Variants in ATP10B observed in about 807,000 individuals in gnomAD.
ATP10B encodes the protein ATPase phospholipid transporting 10B (putative), also known as phospholipid-transporting ATPase VB.
A neutral mutation model predicts 141.2 loss-of-function variants in ATP10B; 122 were observed. The ratio of observed to expected loss-of-function variants is 0.86; its 90% CI spans 0.75 to 1.00. ATP10B has a LOEUF of 1.00. ATP10B is among the 50% of genes least tolerant of loss of function. The pLI is 0.00. For synonymous variants in ATP10B, 685 were observed against 692.0 expected, an observed-to-expected ratio of 0.99 and a Z score of 0.16; for missense variants, 1,876 against 1,825.3, an observed-to-expected ratio of 1.03 and a Z score of -0.51.
rs1347293523 is a variant in ATP10B, at chr5:160,790,983, G to A, written c.-575-5180C>T. On this transcript the variant is annotated intron_variant, in intron 1 of 25. Coordinates refer to ENST00000327245, the MANE Select transcript of ATP10B (RefSeq NM_025153.3). ...AGTGAGAGAGACTGGATCCACTGTT[G>A]TTGGTTTGAAGATGGAGGAAGGGGG... 2.6e-5 allele frequency among the ~76,000 whole-genome samples: 4 copies of A among 152,116 alleles called. No individual in the cohort carries two copies. In the East Asian group the frequency reaches 7.7e-4, roughly 29 times the overall value.
the ATP10B span, among the ~76,000 whole-genome samples, chr5:160,919,695 T>C: frequency 2.0e-5 from 3 of 152,184 alleles, no homozygotes; most frequent in African/African-American, 4.8e-5. Context: ...GTCATGTCAA[T>C]GGAAGGGAAC....
chr5:160,908,661 T>C, the ATP10B span, among the ~76,000 whole-genome samples: 2 of 152,216 alleles, frequency 1.3e-5, no homozygotes, highest in South Asian at 2.1e-4. Context: ...ACAATGGTGA[T>C]CTGAAAGGCA....
At chr5:160,567,853 A>G (rs1015856719) in intron 25 of ATP10B, among the ~76,000 whole-genome samples, 6 of 152,206 alleles carry the variant, frequency 3.9e-5, no homozygotes, top group African/African-American at 1.4e-4. Flanking sequence ...GGACTAGAGT[A>G]AGATCCAATA....
chr5:160,765,488 G>A (rs1304960914), intron 2 of ATP10B, among the ~76,000 whole-genome samples: 1 of 152,074 alleles, frequency 6.6e-6, no homozygotes, highest in African/African-American at 2.4e-5. Context: ...TCAACAAATG[G>A]TACTGGGATA....
At chr5:160,680,786 C>A (rs772415920) in intron 6 of ATP10B, among the ~76,000 whole-genome samples, 56 of 152,156 alleles carry the variant, frequency 3.7e-4, no homozygotes, top group Non-Finnish European at 4.9e-4. Flanking sequence ...AGTACAATCC[C>A]ATCTCTTGCC....
At chr5:160,599,606 G>A (rs931009241) in intron 21 of ATP10B, among the ~76,000 whole-genome samples, 2 of 152,196 alleles carry the variant, frequency 1.3e-5, no homozygotes, top group African/African-American at 4.8e-5. Flanking sequence ...ACTGAACCAT[G>A]AGCAGGACAC....
chr5:160,634,618 T>A lies in ATP10B; in HGVS notation c.1129-12A>T. The A allele has an allele frequency of 3.1e-6, 5 of 1,596,456 alleles. No individual in the cohort carries two copies. The highest frequency in any genetic ancestry group is 4.3e-6 in the Non-Finnish European group (5 of 1,170,940). The stretch of plus-strand genomic sequence containing the variant: ...ATGGGGATCAGCACCTGAAAAGAGA[T>A]GAGTTTCTACCATTCAGAAACCAGG... On this transcript the variant is annotated splice_polypyrimidine_tract_variant and intron_variant, in intron 11 of 25. Transcript: ENST00000327245.
chr5:160,741,065 G>T (rs1481828201), intron 2 of ATP10B, among the ~76,000 whole-genome samples: 3 of 152,162 alleles, frequency 2.0e-5, no homozygotes, highest in Non-Finnish European at 4.4e-5. Flanking sequence ...TATTCTGCAA[G>T]CAATCTCTGC....
intron 3 of ATP10B, among the ~76,000 whole-genome samples, chr5:160,701,049 C>T (rs1296335735): frequency 6.6e-6 from 1 of 152,160 alleles, no homozygotes; most frequent in Non-Finnish European, 1.5e-5. Context: ...CATTGCCACA[C>T]ACCCATCCAG....
rs78782528 is a variant in ATP10B at position 160,655,651 on chromosome 5, T to C, written c.676-6395A>G. 9.0e-3 allele frequency among the ~76,000 whole-genome samples: 1,363 copies of C among 152,286 alleles called. 19 individuals are homozygous for C. The highest frequency in any genetic ancestry group is 0.03 in the African/African-American group (1,247 of 41,546). The stretch of plus-strand genomic sequence containing the variant: ...GCCCCAGGTACAGTCTTAACTTTGA[T>C]TGATGGGAGTAAGACCCCTTCTTTT... On this transcript the variant is annotated intron_variant, in intron 7 of 25. Coordinates refer to ENST00000327245, the MANE Select transcript of ATP10B (RefSeq NM_025153.3).
chr5:160,805,201 T>A (rs921756928), intron 1 of ATP10B, among the ~76,000 whole-genome samples: 1 of 152,244 alleles, frequency 6.6e-6, no homozygotes, highest in East Asian at 1.9e-4. Context: ...TCATTGTTTA[T>A]GTATCATTTT....
the ATP10B span, among the ~76,000 whole-genome samples, chr5:160,893,282 G>A: frequency 6.6e-6 from 1 of 152,174 alleles, no homozygotes; most frequent in Non-Finnish European, 1.5e-5. Context: ...AGCCAAACAA[G>A]CTAAGATCTA....
intron 7 of ATP10B, among the ~76,000 whole-genome samples, chr5:160,653,330 T>C (rs1761066087): frequency 8.4e-6 from 1 of 119,258 alleles, no homozygotes; most frequent in Non-Finnish European, 1.7e-5. Flanking sequence ...TATATATACA[T>C]ACGTACATAC....
intron 24 of ATP10B, among the ~76,000 whole-genome samples, chr5:160,586,881 T>C (rs1755943517): frequency 6.6e-6 from 1 of 152,226 alleles, no homozygotes; most frequent in Admixed American, 6.5e-5. Flanking sequence ...GTCAGATGGT[T>C]AGATTACAAA....
chr5:160,696,789 A>G (rs1304880335), intron 3 of ATP10B, among the ~76,000 whole-genome samples: 1 of 152,262 alleles, frequency 6.6e-6, no homozygotes, highest in Non-Finnish European at 1.5e-5. Context: ...TCAGTGAGCC[A>G]GATTCCTATC....
chr5:160,569,478 C>G lies in ATP10B; in HGVS notation c.3938+18G>C. The G allele has an allele frequency of 6.2e-7, 1 of 1,612,870 alleles. No homozygotes were observed. The highest frequency in any genetic ancestry group is 8.5e-7 in the Non-Finnish European group (1 of 1,179,344). On this transcript the variant is annotated intron_variant, in intron 25 of 25. Coordinates refer to ENST00000327245, the MANE Select transcript of ATP10B (RefSeq NM_025153.3). ...GATTGGTAATTTTAGGAAAGAAACACAGCCCTAGTGCTCAAACCTTGGGAG... is the reference window on the plus strand; with the variant it reads ...GATTGGTAATTTTAGGAAAGAAACAGAGCCCTAGTGCTCAAACCTTGGGAG...
the ATP10B span, among the ~76,000 whole-genome samples, chr5:160,898,314 C>A: frequency 2.6e-5 from 4 of 151,966 alleles, no homozygotes; most frequent in Non-Finnish European, 4.4e-5. Flanking sequence ...AAAAAACAAC[C>A]CCCTCAAAAT....
chr5:160,733,979 A>C (rs1017741559), intron 2 of ATP10B, among the ~76,000 whole-genome samples: 1 of 151,166 alleles, frequency 6.6e-6, no homozygotes, highest in African/African-American at 2.4e-5. Context: ...CCGGTGGTGC[A>C]TGCCTGTAGT....
chr5:160,634,350 A>C lies in ATP10B; in HGVS notation c.1381+4T>G. The stretch of plus-strand genomic sequence containing the variant: ...AGGGATGGAGCCCTTGGGAGCTTCT[A>C]TACCATTTTCTTGGTGAGAATACTC... On this transcript the variant is annotated splice_donor_region_variant and intron_variant, in intron 12 of 25. Coordinates refer to ENST00000327245, the MANE Select transcript of ATP10B (RefSeq NM_025153.3). 1 of 1,614,146 alleles carries C rather than the reference A, an allele frequency of 6.2e-7. No individual in the cohort carries two copies. Among genetic ancestry groups the C allele is most frequent in the Non-Finnish European group, 8.5e-7 (1 of 1,180,010 alleles).
Sources: gnomAD v4.1 joint callset for allele counts (sites outside exome capture counted in the v4.1 genomes callset) on GRCh38, gnomAD v4.1.1 for gene constraint, MANE v1.5 for transcripts, NCBI Gene and HGNC (gene_info 2026-07-23, HGNC 2026-07-21) for gene names.